The following GPHN variants were observed in gnomAD, a reference collection of about 807,000 sequenced individuals.
GPHN encodes gephyrin.
A neutral mutation model predicts 95.5 loss-of-function variants in GPHN; 17 were observed. The observed-to-expected ratio is 0.18, with a 90% CI of 0.12 to 0.27. The LOEUF (loss-of-function observed/expected upper bound fraction) is 0.27. Among genes scored for constraint, GPHN ranks in the 10% least tolerant of loss-of-function variants. The pLI, the probability that GPHN is intolerant of heterozygous loss-of-function variation, is 1.00. For missense variants in GPHN, 660 were observed against 978.1 expected (o/e 0.67, Z 4.34); for synonymous variants, 320 against 322.5 (o/e 0.99, Z 0.08).
At chr14:67,619,412 C>T in the GPHN span, among the ~76,000 whole-genome samples, 7 of 152,230 alleles carry the variant, frequency 4.6e-5, no homozygotes, top group African/African-American at 1.4e-4. Flanking sequence ...TATTATATCT[C>T]CGAATCCAAA....
the GPHN span, chr14:67,335,879 AC>A: frequency 1.3e-5 from 2 of 152,324 alleles, no homozygotes; most frequent in Non-Finnish European, 2.9e-5. Context: ...TGTAAAGACC[AC>A]CCTCCTCTTC....
the GPHN span, among the ~76,000 whole-genome samples, chr14:67,212,035 C>T: frequency 6.6e-6 from 1 of 152,192 alleles, no homozygotes; most frequent in East Asian, 1.9e-4. Flanking sequence ...GTAATCTTAA[C>T]CACTGTGAAG....
At chr14:67,692,933 CCT>C in the GPHN span, 1 of 1,599,894 alleles carries the variant, frequency 6.3e-7, no homozygotes, top group Non-Finnish European at 8.6e-7. Context: ...GGTGAACTTG[CCT>C]CTCTGAGCCA....
At chr14:67,733,858 G>C in the GPHN span, 2 of 1,592,694 alleles carry the variant, frequency 1.3e-6, no homozygotes, top group Non-Finnish European at 1.7e-6. Flanking sequence ...GCTGGTGGAA[G>C]AGCTGCAGCT....
chr14:67,473,221 T>C, the GPHN span: 1 of 690,720 alleles, frequency 1.4e-6, no homozygotes, highest in Non-Finnish European at 2.4e-6. This position sits in a 1 kb window ranked among gnomAD's most constrained non-coding sequence, Gnocchi z 6.5. Context: ...CTCTGCTGCC[T>C]CCACACCCCA....
the GPHN span, among the ~76,000 whole-genome samples, chr14:67,601,796 G>A: frequency 1.3e-5 from 2 of 151,778 alleles, no homozygotes; most frequent in Admixed American, 1.3e-4. Context: ...CAGCTGTTCG[G>A]GTGGCTGAGG....
intron 9 of GPHN, among the ~76,000 whole-genome samples, chr14:67,002,532 C>T (rs17103796): frequency 0.059 from 8,924 of 151,210 alleles, 321 homozygotes; most frequent in Middle Eastern, 0.085. Flanking sequence ...ACTGTTGAAG[C>T]AGACTTACTG....
chr14:67,097,199 C>T (rs542295172), intron 12 of GPHN, among the ~76,000 whole-genome samples: 228 of 152,150 alleles, frequency 1.5e-3, no homozygotes, highest in Non-Finnish European at 2.8e-3. Flanking sequence ...AGAGGATGCA[C>T]GCAACTCTTG....
At chr14:67,320,957 A>G in the GPHN span, 1 of 923,274 alleles carries the variant, frequency 1.1e-6, no homozygotes, top group Non-Finnish European at 1.7e-6. Context: ...TTATTTTATA[A>G]TCTGTGTTAC....
chr14:66,800,880 A>G (rs2060324774), intron 3 of GPHN, among the ~76,000 whole-genome samples: 1 of 151,752 alleles, frequency 6.6e-6, no homozygotes, highest in Non-Finnish European at 1.5e-5. Context: ...CATGTTTCTT[A>G]TTCTTTTTTC....
chr14:67,421,929 T>G, the GPHN span, among the ~76,000 whole-genome samples: 11,024 of 152,156 alleles, frequency 0.072, 944 homozygotes, highest in East Asian at 0.39. Context: ...CCTGAGTTAT[T>G]AGGATGGTGC....
chr14:66,620,579 G>C (rs117934702), intron 1 of GPHN, among the ~76,000 whole-genome samples: 1,845 of 152,182 alleles, frequency 0.012, 23 homozygotes, highest in Non-Finnish European at 0.018. Flanking sequence ...CCTCCCACCA[G>C]GTTCTTCCCA....
intron 1 of GPHN, among the ~76,000 whole-genome samples, chr14:66,551,885 C>T (rs368982032): frequency 6.6e-6 from 1 of 152,130 alleles, no homozygotes; most frequent in African/African-American, 2.4e-5. Context: ...GATTCAATCA[C>T]CTCCCACCAG....
intron 9 of GPHN, among the ~76,000 whole-genome samples, chr14:66,983,498 CATGAAACTTGAATTGTAGCCAG>C (rs537374223): frequency 1.3e-3 from 201 of 152,268 alleles, no homozygotes; most frequent in Non-Finnish European, 1.8e-3. Context: ...AAAAAAATCA[CATGAAACTTGAATTGTAGCCAG>C]ATGAAACTTG....
chr14:66,632,308 CCT>C (rs1434102440), intron 1 of GPHN, among the ~76,000 whole-genome samples: 1 of 151,986 alleles, frequency 6.6e-6, no homozygotes, highest in Admixed American at 6.6e-5. Context: ...TTCTCTAAAC[CCT>C]CTGTATTGCA....
At chr14:66,796,134 T>C (rs570863036) in intron 3 of GPHN, among the ~76,000 whole-genome samples, 11 of 152,302 alleles carry the variant, frequency 7.2e-5, no homozygotes, top group African/African-American at 2.6e-4. Flanking sequence ...GACATCCAGT[T>C]CCACTGATGT....
intron 17 of GPHN, among the ~76,000 whole-genome samples, chr14:67,130,544 A>T (rs1595289839): frequency 1.3e-5 from 2 of 152,030 alleles, no homozygotes; most frequent in African/African-American, 2.4e-5. Flanking sequence ...TGTCTCTGCT[A>T]TTGTGAATAA....
chr14:67,379,123 T>C, the GPHN span, among the ~76,000 whole-genome samples: 1 of 152,226 alleles, frequency 6.6e-6, no homozygotes, highest in Non-Finnish European at 1.5e-5. Context: ...AAGAGTTGTT[T>C]AGGTAATTTT....
chr14:67,256,282 A>G, the GPHN span, among the ~76,000 whole-genome samples: 1 of 152,216 alleles, frequency 6.6e-6, no homozygotes, highest in East Asian at 1.9e-4. Flanking sequence ...GGGATGGTAG[A>G]TAAACACTGT....
Sources: allele counts gnomAD v4.1 joint callset (sites outside exome capture counted in the v4.1 genomes callset), GRCh38; gene constraint gnomAD v4.1.1; non-coding constraint Gnocchi (gnomAD v3.1); transcripts MANE v1.5; gene names NCBI Gene and HGNC (gene_info 2026-07-23, HGNC 2026-07-21).